The following ZNF461 variants were observed in gnomAD, a reference collection of about 807,000 sequenced individuals.
ZNF461 encodes the protein gonadotropin-inducible ovarian transcription factor-1.
A neutral mutation model predicts 18.3 loss-of-function variants in ZNF461; 16 were observed. The ratio of observed to expected loss-of-function variants is 0.88; its 90% CI spans 0.59 to 1.33. The LOEUF (loss-of-function observed/expected upper bound fraction) is 1.33. Ranked by LOEUF, ZNF461 falls within the 40% of genes most tolerant of loss-of-function variation. ZNF461 has a pLI of 0.00. For missense variants in ZNF461, 595 were observed against 669.9 expected (o/e 0.89, Z 1.23); for synonymous variants, 179 against 216.9 (o/e 0.83, Z 1.54).
intron 2 of ZNF461, among the ~76,000 whole-genome samples, chr19:36,659,952 C>A (rs2037789079): frequency 1.3e-5 from 2 of 152,150 alleles, no homozygotes; most frequent in African/African-American, 4.8e-5. Context: ...GATCATCCAA[C>A]ACCAATTCCT....
chr19:36,661,843 A>G (rs2037823608), intron 2 of ZNF461, among the ~76,000 whole-genome samples: 2 of 152,092 alleles, frequency 1.3e-5, no homozygotes, highest in South Asian at 4.1e-4. Flanking sequence ...ATCTTTGTAA[A>G]TTCTTTCCAC....
chr19:36,658,004 C>T, intron 3 of ZNF461: 1 of 307,632 alleles, frequency 3.3e-6, no homozygotes, highest in Non-Finnish European at 6.0e-6. Flanking sequence ...AAGACAGAGT[C>T]TGCTTTCTTT....
chr19:36,658,766 G>A (rs1470728651), intron 2 of ZNF461, among the ~76,000 whole-genome samples: 1 of 152,164 alleles, frequency 6.6e-6, no homozygotes, highest in Admixed American at 6.5e-5. Flanking sequence ...TCTCTATCTT[G>A]AGAAAAAGAA....
intron 4 of ZNF461, among the ~76,000 whole-genome samples, 172 bp downstream of exon 4, chr19:36,656,276 C>T (rs1458239884): frequency 1.3e-5 from 2 of 152,200 alleles, no homozygotes; most frequent in Non-Finnish European, 2.9e-5. Flanking sequence ...TGAGCCACCG[C>T]GCCCGGCCTA....
intron 1 of ZNF461, among the ~76,000 whole-genome samples, chr19:36,665,766 G>GA (rs74313313): frequency 0.32 from 45,571 of 143,678 alleles, 7,415 homozygotes; most frequent in East Asian, 0.57. Flanking sequence ...CCAAATCTCA[G>GA]AAAAAAAAAA....
intron 4 of ZNF461, among the ~76,000 whole-genome samples, chr19:36,648,257 G>T (rs2037563710): frequency 6.6e-6 from 1 of 151,916 alleles, no homozygotes; most frequent in Non-Finnish European, 1.5e-5. Context: ...CATGTAAAGT[G>T]CCTGCTCCTG....
chr19:36,655,708 C>T (rs944900044), intron 4 of ZNF461, among the ~76,000 whole-genome samples: 2 of 152,134 alleles, frequency 1.3e-5, no homozygotes, highest in East Asian at 3.9e-4. Flanking sequence ...CTTTTGTTGC[C>T]AGTGCTTTTG....
intron 5 of ZNF461, among the ~76,000 whole-genome samples, chr19:36,641,829 A>T (rs2037430342): frequency 6.6e-6 from 1 of 152,142 alleles, no homozygotes; most frequent in Admixed American, 6.5e-5. Flanking sequence ...AAACACATAC[A>T]TAAATAAACC....
rs1277079755 is a variant in ZNF461, at chr19:36,638,870, G to C, written c.1475C>G (p.Thr492Ser). ...SHLIQHQRIH[T>S]GEKPYECKEC... is the part of the protein sequence containing the mutation. ...CTTACATTCATAGGGTTTCTCACCA[G>C]TATGAATTCTTTGATGTTGAATAAG... The change falls in exon 6 of 6, where the codon ACT becomes AGT. Residue 492 changes from threonine to serine, a missense_variant. Physicochemically the swap from Thr to Ser is moderately conservative, Grantham distance 58 (BLOSUM62 1). Transcript: ENST00000588268. 1.9e-6 allele frequency: 3 copies of C among 1,606,136 alleles called. No homozygotes were observed. The highest frequency in any genetic ancestry group is 1.3e-5 in the African/African-American group (1 of 74,782).
chr19:36,663,903 A>G (rs2037859506), intron 2 of ZNF461, among the ~76,000 whole-genome samples: 1 of 152,122 alleles, frequency 6.6e-6, no homozygotes, highest in Non-Finnish European at 1.5e-5. Flanking sequence ...CTTACTATAC[A>G]TAAGTTATTT....
chr19:36,639,578 A>G lies in ZNF461; in HGVS notation c.767T>C (p.Val256Ala). 6.2e-7 allele frequency: 1 copy of G among 1,613,066 alleles called. No homozygotes were observed. The highest frequency in any genetic ancestry group is 1.3e-5 in the African/African-American group (1 of 75,040). The change falls in exon 6 of 6, where the codon GTT becomes GCT. Residue 256 changes from valine to alanine, a missense_variant. By Grantham distance (64) the Val-to-Ala change is moderately conservative. Coordinates refer to ENST00000588268, the MANE Select transcript of ZNF461 (RefSeq NM_153257.5). ...NECKECWKAF[V>A]HCSQLKHLRI... ...TAGATGTTTAAGTTGTGAGCAATGA[A>G]CAAAGGCCTTCCAACATTCTTTACA...
chr19:36,650,957 C>T (rs971238741), intron 4 of ZNF461, among the ~76,000 whole-genome samples: 5 of 150,640 alleles, frequency 3.3e-5, no homozygotes, highest in African/African-American at 4.9e-5. Context: ...GCTGGCCGGG[C>T]GTGGTGTCTC....
At chr19:36,664,237 C>A (rs182971378) in intron 2 of ZNF461, among the ~76,000 whole-genome samples, 10 of 152,158 alleles carry the variant, frequency 6.6e-5, no homozygotes, top group African/African-American at 2.4e-4. Context: ...ATTCTGGCAC[C>A]GTCACTTACT....
intron 2 of ZNF461, among the ~76,000 whole-genome samples, chr19:36,661,343 A>G (rs770863959): frequency 6.6e-6 from 1 of 152,116 alleles, no homozygotes; most frequent in Non-Finnish European, 1.5e-5. Context: ...TTCTAAAATG[A>G]CTTGAATAGT....
At chr19:36,660,015 G>A (rs533835586) in intron 2 of ZNF461, among the ~76,000 whole-genome samples, 1 of 152,184 alleles carries the variant, frequency 6.6e-6, no homozygotes, top group African/African-American at 2.4e-5. Context: ...TTTCCCACGT[G>A]TGATTTAATT....
chr19:36,654,366 CTTGA>C (rs74174424), intron 4 of ZNF461, among the ~76,000 whole-genome samples: 1 of 151,888 alleles, frequency 6.6e-6, no homozygotes, highest in Non-Finnish European at 1.5e-5. Context: ...TTCTGTAGCA[CTTGA>C]TTGATTGATT....
At chr19:36,660,701 TA>T (rs199775225) in intron 2 of ZNF461, among the ~76,000 whole-genome samples, 15 of 147,462 alleles carry the variant, frequency 1.0e-4, no homozygotes, top group Admixed American at 2.7e-4. Context: ...TTGATTTTTT[TA>T]AAAAAAAAAA....
At position 36,637,836 on chromosome 19, in the gene ZNF461, G is replaced by GC. The variant is rs1325217788; in HGVS notation, c.*816dup. The GC allele has an allele frequency of 2.3e-6, 1 of 434,274 alleles. No homozygotes were observed. Among genetic ancestry groups the GC allele is most frequent in the Admixed American group, 2.6e-5 (1 of 39,084 alleles). The allele number at this position is 434,274 out of a possible 1,614,324, so 26.9% of individuals were successfully genotyped here. A position where few individuals can be genotyped will look rare whatever the true frequency, so the allele number is the denominator to read the frequency against. On this transcript the variant is annotated 3_prime_UTR_variant, in exon 6 of 6. Coordinates refer to ENST00000588268, the MANE Select transcript of ZNF461 (RefSeq NM_153257.5). ...TAAAAGGAAACTGATAGCAGTTGTT[G>GC]CATCTGTGGAAAGTGAGTGGCTACA...
intron 4 of ZNF461, among the ~76,000 whole-genome samples, chr19:36,647,832 C>G (rs2037555405): frequency 6.6e-6 from 1 of 152,030 alleles, no homozygotes; most frequent in East Asian, 1.9e-4. Context: ...GGTTTAGCAC[C>G]ATTCCCTTGG....
Sources: gnomAD v4.1 joint callset for allele counts (sites outside exome capture counted in the v4.1 genomes callset) on GRCh38, gnomAD v4.1.1 for gene constraint, MANE v1.5 for transcripts, NCBI Gene and HGNC (gene_info 2026-07-23, HGNC 2026-07-21) for gene names.